The following FGFR2 variants were observed in gnomAD, a reference collection of about 807,000 sequenced individuals.
FGFR2 encodes the protein BEK fibroblast growth factor receptor.
A neutral mutation model predicts 95.9 loss-of-function variants in FGFR2; 19 were observed. The observed-to-expected ratio is 0.20, with a 90% CI of 0.14 to 0.29. The LOEUF (loss-of-function observed/expected upper bound fraction) is 0.29. Ranked by LOEUF, FGFR2 falls within the 10% of genes least tolerant of loss-of-function variation. The probability of loss-of-function intolerance (pLI) is 1.00; values close to 1 mark genes in which losing one functional copy is unlikely to be tolerated. For synonymous variants in FGFR2, 392 were observed against 393.3 expected (o/e 1.00, Z 0.04); for missense variants, 707 against 1,056.9 (o/e 0.67, Z 4.59).
rs537821291 is a variant in FGFR2 at position 121,540,184 on chromosome 10, C to T, written c.625-1469G>A. On this transcript the variant is annotated intron_variant, in intron 5 of 17. Coordinates refer to ENST00000358487, the MANE Select transcript of FGFR2 (RefSeq NM_000141.5). Reference sequence around the variant, plus strand: ...CACTTTGCTGGGCTGCTGCAGTCATCGACAACTACGAAGGTAGTTTCAGAG... The same window carrying T: ...CACTTTGCTGGGCTGCTGCAGTCATTGACAACTACGAAGGTAGTTTCAGAG... Among the ~76,000 whole-genome samples the T allele has an allele frequency of 4.5e-4, 68 of 152,290 alleles. No homozygotes were observed. The South Asian group carries it at 0.014, about 31-fold the overall frequency.
chr10:121,566,759 A>C (rs1013890926), intron 2 of FGFR2, among the ~76,000 whole-genome samples: 2 of 151,932 alleles, frequency 1.3e-5, no homozygotes, highest in Non-Finnish European at 2.9e-5. Context: ...GACCCTAGAG[A>C]AAAGGCGTGG....
intron 2 of FGFR2, among the ~76,000 whole-genome samples, chr10:121,593,325 T>C (rs1383262812): frequency 6.6e-6 from 1 of 152,232 alleles, no homozygotes; most frequent in Non-Finnish European, 1.5e-5. Context: ...TGGTTCATCT[T>C]GTCCGAAAAT....
In FGFR2 at chr10:121,493,792, C is replaced by T. The variant is rs572686337; in HGVS notation, c.1863+2740G>A. Among the ~76,000 whole-genome samples, 17 of 152,188 alleles carry T rather than the reference C, an allele frequency of 1.1e-4. No homozygotes were observed. The East Asian group carries it at 1.7e-3, about 16-fold the overall frequency. ...TTCTTCATTATCTCCCCTTGGATGACTCAGATACGCTCAAGACGAGCTCGG... is the reference window on the plus strand; with the variant it reads ...TTCTTCATTATCTCCCCTTGGATGATTCAGATACGCTCAAGACGAGCTCGG... On this transcript the variant is annotated intron_variant, in intron 13 of 17. Coordinates refer to ENST00000358487, the MANE Select transcript of FGFR2 (RefSeq NM_000141.5).
At chr10:121,577,178 T>TATATATATACAGAGAGAGAGAGAG in intron 2 of FGFR2, among the ~76,000 whole-genome samples, 1 of 5,214 alleles carries the variant, frequency 1.9e-4, no homozygotes, top group African/African-American at 7.8e-4. Context: ...TATATATATA[T>TATATATATACAGAGAGAGAGAGAG]AGAGAGAGAG....
At position 121,517,781 on chromosome 10, in the gene FGFR2, T is replaced by C. The variant is rs749729743; in HGVS notation, c.940-318A>G. Among the ~76,000 whole-genome samples, 1 of 151,876 alleles carries C rather than the reference T, an allele frequency of 6.6e-6. No individual in the cohort carries two copies. The highest frequency in any genetic ancestry group is 1.5e-5 in the Non-Finnish European group (1 of 67,966). ...GCATTTAGGGGTGGTTTTCCAAAAG[T>C]ATGGTGCCCAGAAGGCCAAGCTGGT... On this transcript the variant is annotated intron_variant, in intron 7 of 17. Coordinates refer to ENST00000358487, the MANE Select transcript of FGFR2 (RefSeq NM_000141.5). The surrounding 1 kb of genome is among the most constrained non-coding windows in gnomAD (Gnocchi z 4.7).
Position 121,598,240 on chromosome 10 carries a change from C to G in FGFR2, c.-429G>C, listed in dbSNP as rs1249127864. On this transcript the variant is annotated 5_prime_UTR_variant, in exon 1 of 18. Coordinates refer to ENST00000358487, the MANE Select transcript of FGFR2 (RefSeq NM_000141.5). ...TCCACCAAACTTTGCTCGCGAGTTG[C>G]GAAGGCTCAGAGCGCGCAGGCAAGC... is the stretch of plus-strand genomic sequence containing the variant. 2.5e-6 allele frequency: 1 copy of G among 395,670 alleles called. No individual in the cohort carries two copies. The highest frequency in any genetic ancestry group is 2.1e-5 in the African/African-American group (1 of 48,490). 24.5% of individuals were successfully genotyped at this position (395,670 alleles called of 1,614,324 possible).
chr10:121,503,119 G>T (rs1174214705), intron 10 of FGFR2, among the ~76,000 whole-genome samples: 2 of 152,248 alleles, frequency 1.3e-5, no homozygotes, highest in African/African-American at 4.8e-5. Flanking sequence ...CCCAGCCACT[G>T]TCTGGCAAAG....
chr10:121,498,361 T>C lies in FGFR2; in HGVS notation c.1672+134A>G, dbSNP rs370742906. 409 of 710,606 alleles carry C rather than the reference T, an allele frequency of 5.8e-4. 1 individual carries two copies. Among genetic ancestry groups the C allele is most frequent in the African/African-American group, 5.2e-3 (297 of 57,234 alleles). The allele number at this position is 710,606 out of a possible 1,614,324, so 44.0% of individuals were successfully genotyped here. ...GTTCATGGCTAGGAACATCTTCCAATGGGGATTTTAAAAAGAACTTTAAAC... is the reference window on the plus strand; with the variant it reads ...GTTCATGGCTAGGAACATCTTCCAACGGGGATTTTAAAAAGAACTTTAAAC... On this transcript the variant is annotated intron_variant, in intron 12 of 17. Coordinates refer to ENST00000358487, the MANE Select transcript of FGFR2 (RefSeq NM_000141.5).
chr10:121,542,566 A>G (rs945646214), intron 5 of FGFR2, among the ~76,000 whole-genome samples: 1 of 152,210 alleles, frequency 6.6e-6, no homozygotes, highest in Non-Finnish European at 1.5e-5. Flanking sequence ...TGTGGAATTC[A>G]TCATTATTTT....
rs1193731629 is a variant in FGFR2 at position 121,485,834 on chromosome 10, C to CAAAGCCTTTACGCTCCTT, written c.2058-320_2058-303dup. On this transcript the variant is annotated intron_variant, in intron 15 of 17. Transcript: ENST00000358487. This position sits in a 1 kb window ranked among gnomAD's most constrained non-coding sequence, Gnocchi z 4.2. ...TGCAAGGATCTCAGTTTCTCAGTTT[C>CAAAGCCTTTACGCTCCTT]AAAGCCTTTACGCTCCTTTCCAACT... is the stretch of plus-strand genomic sequence containing the variant. Among the ~76,000 whole-genome samples, 1 of 152,224 alleles carries CAAAGCCTTTACGCTCCTT rather than the reference C, an allele frequency of 6.6e-6. No homozygotes were observed. The highest frequency in any genetic ancestry group is 1.5e-5 in the Non-Finnish European group (1 of 68,044).
intron 2 of FGFR2, among the ~76,000 whole-genome samples, chr10:121,574,537 T>TAAG (rs1309927399): frequency 6.6e-6 from 1 of 151,338 alleles, no homozygotes; most frequent in African/African-American, 2.4e-5. Flanking sequence ...TCAAAAATAA[T>TAAG]AATAATAATA....
rs1849864289 is a variant in FGFR2 at position 121,517,600 on chromosome 10, A to G, written c.940-137T>C. 1 of 938,578 alleles carries G rather than the reference A, an allele frequency of 1.1e-6. No individual in the cohort carries two copies. The allele number at this position is 938,578 out of a possible 1,614,324, so 58.1% of individuals were successfully genotyped here. A position where few individuals can be genotyped will look rare whatever the true frequency, so the allele number is the denominator to read the frequency against. ...GGGAGATTCCGACTGCAGCCCATCC[A>G]CAAAGCCCACAACCGAGAGACACGG... On this transcript the variant is annotated intron_variant, in intron 7 of 17. Coordinates refer to ENST00000358487, the MANE Select transcript of FGFR2 (RefSeq NM_000141.5). The surrounding 1 kb of genome is among the most constrained non-coding windows in gnomAD (Gnocchi z 4.7).
intron 11 of FGFR2, 55 bp from the exon 12 acceptor site, chr10:121,498,660 G>A (rs2133979294): frequency 3.5e-6 from 5 of 1,420,074 alleles, no homozygotes; most frequent in South Asian, 1.1e-5. Context: ...CTCATGGGCA[G>A]CTACTGTTAG....
At chr10:121,574,852 C>A (rs778737793) in intron 2 of FGFR2, among the ~76,000 whole-genome samples, 2 of 152,198 alleles carry the variant, frequency 1.3e-5, no homozygotes, top group Admixed American at 6.5e-5. Context: ...AACATAAAAA[C>A]GGAGAACAAA....
chr10:121,538,457 G>T (rs1397890216), intron 6 of FGFR2, 135 bp downstream of exon 6: 1 of 1,285,080 alleles, frequency 7.8e-7, no homozygotes, highest in Non-Finnish European at 1.1e-6. Flanking sequence ...CTTGTAAAAT[G>T]ATAGTAGAAA....
intron 2 of FGFR2, among the ~76,000 whole-genome samples, chr10:121,572,782 T>A (rs778710678): frequency 7.0e-4 from 106 of 152,306 alleles, no homozygotes; most frequent in Non-Finnish European, 1.3e-3. Context: ...AGAGAGAAAC[T>A]GAGGCAGGGG....
At chr10:121,510,412 A>G (rs565051025) in intron 9 of FGFR2, among the ~76,000 whole-genome samples, 118 of 152,326 alleles carry the variant, frequency 7.7e-4, no homozygotes, top group African/African-American at 2.6e-3. Flanking sequence ...AGGTGCCCAC[A>G]TGAAAGGGCA....
chr10:121,593,654 T>G lies in FGFR2; in HGVS notation c.109+55A>C. The G allele has an allele frequency of 3.3e-6, 5 of 1,493,154 alleles. No homozygotes were observed. The South Asian group carries it at 5.7e-5, about 17-fold the overall frequency. The allele number at this position is 1,493,154 out of a possible 1,614,324, so 92.5% of individuals were successfully genotyped here. A position where few individuals can be genotyped will look rare whatever the true frequency, so the allele number is the denominator to read the frequency against. The stretch of plus-strand genomic sequence containing the variant: ...CTGATTCTAAAACAGGCCTTAACAA[T>G]CTGCCCCCAGACAAATCCCAAAACA... On this transcript the variant is annotated intron_variant, in intron 2 of 17. Coordinates refer to ENST00000358487, the MANE Select transcript of FGFR2 (RefSeq NM_000141.5).
chr10:121,491,037 C>A (rs765863153), intron 13 of FGFR2, among the ~76,000 whole-genome samples: 2 of 152,204 alleles, frequency 1.3e-5, no homozygotes, highest in African/African-American at 4.8e-5. Context: ...CAAACTCTCC[C>A]GGTGGTGTGC....
Sources: allele counts gnomAD v4.1 joint callset (sites outside exome capture counted in the v4.1 genomes callset), GRCh38; gene constraint gnomAD v4.1.1; non-coding constraint Gnocchi (gnomAD v3.1); transcripts MANE v1.5; gene names NCBI Gene and HGNC (gene_info 2026-07-23, HGNC 2026-07-21).